IL6ST: variants seen among roughly 807,000 people sequenced by gnomAD.
IL6ST encodes interleukin-6 receptor subunit beta.
IL6ST carries 24 observed loss-of-function variants against 91.3 expected under a neutral mutation model. That is an observed-to-expected ratio of 0.26 (90% CI 0.19 to 0.37). The LOEUF (loss-of-function observed/expected upper bound fraction) is 0.37. Among genes scored for constraint, IL6ST ranks in the 10% least tolerant of loss-of-function variants. The probability of loss-of-function intolerance (pLI) is 1.00; values close to 1 mark genes in which losing one functional copy is unlikely to be tolerated. For synonymous variants in IL6ST, 351 were observed against 373.6 expected (o/e 0.94, Z 0.70); for missense variants, 914 against 1,078.5 (o/e 0.85, Z 2.14).
At chr5:55,983,760 A>G (rs1753794996) in intron 1 of IL6ST, among the ~76,000 whole-genome samples, 1 of 152,206 alleles carries the variant, frequency 6.6e-6, no homozygotes, top group African/African-American at 2.4e-5. Flanking sequence ...TTTGGTGGAT[A>G]TTCTTGCAAA....
chr5:55,990,427 T>A (rs1339060141), intron 1 of IL6ST, among the ~76,000 whole-genome samples: 1 of 152,232 alleles, frequency 6.6e-6, no homozygotes, highest in Non-Finnish European at 1.5e-5. Flanking sequence ...TGTAGTTGAA[T>A]TCTTTCCTTT....
At chr5:55,967,984 C>G (rs1408988767) in intron 5 of IL6ST, among the ~76,000 whole-genome samples, 3 of 151,768 alleles carry the variant, frequency 2.0e-5, no homozygotes. Context: ...TTGGTAGAGA[C>G]AGGGTTTTGC....
At chr5:55,993,277 A>G (rs1754437010) in intron 1 of IL6ST, among the ~76,000 whole-genome samples, 1 of 152,234 alleles carries the variant, frequency 6.6e-6, no homozygotes, top group Non-Finnish European at 1.5e-5. Flanking sequence ...CAACATGACA[A>G]AATGATTCAG....
Position 55,951,952 on chromosome 5 carries a change from C to T in IL6ST, c.1676G>A (p.Arg559Lys), listed in dbSNP as rs1302424037. 10 of 1,480,420 alleles carry T rather than the reference C, an allele frequency of 6.8e-6. No individual in the cohort carries two copies. The highest frequency in any genetic ancestry group is 9.4e-6 in the Non-Finnish European group (10 of 1,063,568). The allele number at this position is 1,480,420 out of a possible 1,614,324, so 91.7% of individuals were successfully genotyped here. Reference sequence around the variant, plus strand: ...ACCAGTTTCATTTCCAATGATGGTTCTATAAAATATAGTATAATTTCTGAT... The same window carrying T: ...ACCAGTTTCATTTCCAATGATGGTTTTATAAAATATAGTATAATTTCTGAT... Reference protein sequence around the residue: ...GFIRNYTIFYRTIIGNETAVN... With the variant: ...GFIRNYTIFYKTIIGNETAVN... The change falls in exon 13 of 17, where the codon AGA becomes AAA. Residue 559 changes from arginine to lysine, a missense_variant. Transcript: ENST00000381298.
chr5:55,963,047 C>T (rs1380838426), intron 7 of IL6ST, among the ~76,000 whole-genome samples: 2 of 150,512 alleles, frequency 1.3e-5, no homozygotes, highest in Non-Finnish European at 2.9e-5. Context: ...TTCAAAATTG[C>T]AGTGAGCCAG....
At chr5:55,969,422 TA>T in intron 4 of IL6ST, 127 bp downstream of exon 4, 2 of 640,698 alleles carry the variant, frequency 3.1e-6, no homozygotes, top group African/African-American at 1.8e-5. Flanking sequence ...GCTTATTTTT[TA>T]AAAACCAAAC....
chr5:55,944,272 GAAC>G, intron 15 of IL6ST, among the ~76,000 whole-genome samples: 1 of 152,172 alleles, frequency 6.6e-6, no homozygotes, highest in South Asian at 2.1e-4. Flanking sequence ...ATAAAGATTA[GAAC>G]AACTATAATT....
chr5:55,993,162 AAAG>A (rs1267764383), intron 1 of IL6ST, among the ~76,000 whole-genome samples: 1 of 152,212 alleles, frequency 6.6e-6, no homozygotes, highest in African/African-American at 2.4e-5. Context: ...AGCAGCTCTG[AAAG>A]GAGGGAGCGG....
At chr5:55,980,080 C>A (rs575356236) in intron 2 of IL6ST, among the ~76,000 whole-genome samples, 7 of 152,234 alleles carry the variant, frequency 4.6e-5, no homozygotes, top group African/African-American at 1.7e-4. Context: ...AACACACATT[C>A]GTTTTTTTAT....
intron 15 of IL6ST, among the ~76,000 whole-genome samples, chr5:55,947,208 T>C (rs1290739667): frequency 1.3e-5 from 2 of 152,036 alleles, no homozygotes. Flanking sequence ...TCAAAATAGA[T>C]AGATAAATAA....
At chr5:55,990,204 T>C (rs1017300452) in intron 1 of IL6ST, among the ~76,000 whole-genome samples, 8 of 152,110 alleles carry the variant, frequency 5.3e-5, no homozygotes, top group African/African-American at 1.9e-4. Flanking sequence ...TTTCAGCCAA[T>C]GTAGCTCTCT....
At position 55,937,930 on chromosome 5, in the gene IL6ST, AAT is replaced by A. The variant is rs1231651058; in HGVS notation, c.*3150_*3151del. ...TCTCTCCTGCTTGATGTACTTGGTCAATATATGTTAGTAAACAGAAATATTTT... is the reference window on the plus strand; with the variant it reads ...TCTCTCCTGCTTGATGTACTTGGTCAATATGTTAGTAAACAGAAATATTTT... On this transcript the variant is annotated 3_prime_UTR_variant, in exon 17 of 17. Transcript: ENST00000381298. 5 of 197,342 alleles carry A rather than the reference AAT, an allele frequency of 2.5e-5. No homozygotes were observed. Among genetic ancestry groups the A allele is most frequent in the Non-Finnish European group, 5.3e-5 (5 of 95,052 alleles). 12.2% of individuals were successfully genotyped at this position (197,342 alleles called of 1,614,324 possible).
At chr5:55,974,936 TACACAC>T (rs376327228) in intron 3 of IL6ST, among the ~76,000 whole-genome samples, 1 of 147,250 alleles carries the variant, frequency 6.8e-6, no homozygotes, top group Non-Finnish European at 1.5e-5. Context: ...GTATTATTCA[TACACAC>T]ACACACACAC....
In IL6ST at chr5:55,939,910, A is replaced by AGAT. The variant is rs1014283231; in HGVS notation, c.*1169_*1171dup. 59 of 205,832 alleles carry AGAT rather than the reference A, an allele frequency of 2.9e-4. No individual in the cohort carries two copies. Among genetic ancestry groups the AGAT allele is most frequent in the African/African-American group, 1.0e-3 (45 of 43,930 alleles). 12.8% of individuals were successfully genotyped at this position (205,832 alleles called of 1,614,324 possible). On this transcript the variant is annotated 3_prime_UTR_variant, in exon 17 of 17. Coordinates refer to ENST00000381298, the MANE Select transcript of IL6ST (RefSeq NM_002184.4). ...ACAATAATGATATTTGCTAAGAACAAGATGTACATTTTTTGGGGTTCTGTT... is the reference window on the plus strand; with the variant it reads ...ACAATAATGATATTTGCTAAGAACAAGATGATGTACATTTTTTGGGGTTCTGTT...
In IL6ST at chr5:55,938,482, G is replaced by A. The variant is rs567758113; in HGVS notation, c.*2600C>T. ...ATAATATCAACACATGTAACATTTG[G>A]GTCATTATTTTATAACCCTAAAGGG... On this transcript the variant is annotated 3_prime_UTR_variant, in exon 17 of 17. Coordinates refer to ENST00000381298, the MANE Select transcript of IL6ST (RefSeq NM_002184.4). The A allele has an allele frequency of 5.1e-6, 1 of 196,130 alleles. No individual in the cohort carries two copies. The highest frequency in any genetic ancestry group is 7.9e-5 in the East Asian group (1 of 12,590). The allele number at this position is 196,130 out of a possible 1,614,324, so 12.1% of individuals were successfully genotyped here. A position where few individuals can be genotyped will look rare whatever the true frequency, so the allele number is the denominator to read the frequency against.
chr5:55,956,204 A>G lies in IL6ST; in HGVS notation c.1088T>C (p.Ile363Thr), dbSNP rs1347230193. 1 of 1,609,204 alleles carries G rather than the reference A, an allele frequency of 6.2e-7. No homozygotes were observed. The highest frequency in any genetic ancestry group is 1.3e-5 in the African/African-American group (1 of 74,812). The change falls in exon 10 of 17, where the codon ATC becomes ACC. Residue 363 changes from isoleucine to threonine, a missense_variant. Coordinates refer to ENST00000381298, the MANE Select transcript of IL6ST (RefSeq NM_002184.4). ...TGTGAGAGTCACTTCATAATCCAAGATTTTTCCATTGGCTTCAAAAGGAGG... is the reference window on the plus strand; with the variant it reads ...TGTGAGAGTCACTTCATAATCCAAGGTTTTTCCATTGGCTTCAAAAGGAGG... ...TLPPFEANGK[I>T]LDYEVTLTRW...
chr5:55,960,306 CA>C, intron 8 of IL6ST, 95 bp downstream of exon 8: 1 of 942,508 alleles, frequency 1.1e-6, no homozygotes, highest in Non-Finnish European at 1.6e-6. Flanking sequence ...AAAATGATCA[CA>C]AACTAAGAAG....
intron 2 of IL6ST, among the ~76,000 whole-genome samples, chr5:55,979,678 A>G (rs1194658512): frequency 6.6e-6 from 1 of 152,196 alleles, no homozygotes; most frequent in African/African-American, 2.4e-5. Flanking sequence ...TGTAAATTAG[A>G]CCTCACTTAA....
At chr5:55,975,309 AG>A (rs996449078) in intron 3 of IL6ST, among the ~76,000 whole-genome samples, 9 of 152,014 alleles carry the variant, frequency 5.9e-5, no homozygotes, top group African/African-American at 1.9e-4. Context: ...AAAAGTTTGT[AG>A]CACCTTCCCT....
Sources: allele counts gnomAD v4.1 joint callset (sites outside exome capture counted in the v4.1 genomes callset), GRCh38; gene constraint gnomAD v4.1.1; transcripts MANE v1.5; gene names NCBI Gene and HGNC (gene_info 2026-07-23, HGNC 2026-07-21).